The following ACER3 variants were observed in gnomAD, a reference collection of about 807,000 sequenced individuals.
ACER3 encodes the protein alkaline ceramidase 3.
A neutral mutation model predicts 48.9 loss-of-function variants in ACER3; 16 were observed. The ratio of observed to expected loss-of-function variants is 0.33; its 90% CI spans 0.22 to 0.50. The LOEUF (loss-of-function observed/expected upper bound fraction) is 0.50, where lower values mean the gene tolerates loss of function less well. ACER3 is among the 20% of genes least tolerant of loss of function. ACER3 has a pLI of 0.98. For missense variants in ACER3, 227 were observed against 326.0 expected (o/e 0.70, Z 2.34); for synonymous variants, 109 against 107.8 (o/e 1.01, Z -0.07).
At chr11:76,944,089 C>A (rs1284633043) in intron 2 of ACER3, among the ~76,000 whole-genome samples, 3 of 151,850 alleles carry the variant, frequency 2.0e-5, no homozygotes, top group African/African-American at 2.4e-5. Flanking sequence ...ATAGCTGGAT[C>A]ATGCTTTCTA....
At chr11:76,999,217 G>A (rs1316847379) in intron 7 of ACER3, among the ~76,000 whole-genome samples, 1 of 152,128 alleles carries the variant, frequency 6.6e-6, no homozygotes, top group African/African-American at 2.4e-5. Flanking sequence ...GGCTGTTAAT[G>A]TCACAAAGAA....
At position 76,875,107 on chromosome 11, in the gene ACER3, C is replaced by CTTTTTTT. The variant is rs10676364; in HGVS notation, c.103+14048_103+14054dup. Among the ~76,000 whole-genome samples the CTTTTTTT allele has an allele frequency of 2.8e-3, 215 of 78,160 alleles. 52 individuals are homozygous for CTTTTTTT. Among genetic ancestry groups the CTTTTTTT allele is most frequent in the South Asian group, 5.5e-3 (8 of 1,450 alleles). 51.3% of individuals were successfully genotyped at this position (78,160 alleles called of 152,430 possible). A position where few individuals can be genotyped will look rare whatever the true frequency, so the allele number is the denominator to read the frequency against. On this transcript the variant is annotated intron_variant, in intron 1 of 10. Transcript: ENST00000532485. ...TTCTAACATGGCATGAAAAGCACTT[C>CTTTTTTT]TTTTTTTTTTTTTTTTTTTTTTTTT...
At chr11:76,878,532 C>CTGAGTGGTA (rs1353037893) in intron 1 of ACER3, among the ~76,000 whole-genome samples, 2 of 152,040 alleles carry the variant, frequency 1.3e-5, no homozygotes, top group Non-Finnish European at 1.5e-5. Flanking sequence ...CTTTTGATTG[C>CTGAGTGGTA]TGAGTGGTAT....
At chr11:77,006,399 T>A (rs1296932127) in intron 7 of ACER3, among the ~76,000 whole-genome samples, 1 of 152,140 alleles carries the variant, frequency 6.6e-6, no homozygotes, top group East Asian at 1.9e-4. Flanking sequence ...ATGTGTTGTG[T>A]CCTCCCACAT....
At chr11:76,967,616 G>T (rs1441649000) in intron 3 of ACER3, among the ~76,000 whole-genome samples, 1 of 151,976 alleles carries the variant, frequency 6.6e-6, no homozygotes, top group Admixed American at 6.6e-5. Flanking sequence ...CTTCATCCCT[G>T]GGATGCAAGG....
intron 2 of ACER3, among the ~76,000 whole-genome samples, chr11:76,930,650 T>C (rs1206295752): frequency 6.6e-6 from 1 of 151,068 alleles, no homozygotes; most frequent in African/African-American, 2.4e-5. Context: ...GTCCCAGAGA[T>C]TCTGGTATGT....
At chr11:76,878,415 C>T (rs1945439855) in intron 1 of ACER3, among the ~76,000 whole-genome samples, 1 of 151,974 alleles carries the variant, frequency 6.6e-6, no homozygotes, top group Admixed American at 6.6e-5. Context: ...TTGGTATTTA[C>T]TGTATTAGAA....
intron 1 of ACER3, among the ~76,000 whole-genome samples, chr11:76,895,521 A>C (rs1945906219): frequency 6.6e-6 from 1 of 152,242 alleles, no homozygotes; most frequent in Admixed American, 6.5e-5. Context: ...GGAAGTATTT[A>C]ACCTACAATC....
At chr11:76,958,710 A>C in intron 2 of ACER3, 1 of 461,066 alleles carries the variant, frequency 2.2e-6, no homozygotes, top group Non-Finnish European at 4.0e-6. Flanking sequence ...TGAGCATCAG[A>C]TAATACATTT....
chr11:76,980,031 G>A (rs1948548844), intron 4 of ACER3, among the ~76,000 whole-genome samples: 1 of 151,982 alleles, frequency 6.6e-6, no homozygotes, highest in Admixed American at 6.5e-5. Context: ...TCAGCTACTT[G>A]GGAGGCTGAG....
intron 1 of ACER3, among the ~76,000 whole-genome samples, chr11:76,910,365 T>C (rs915467156): frequency 6.6e-6 from 1 of 152,184 alleles, no homozygotes; most frequent in Non-Finnish European, 1.5e-5. Flanking sequence ...TATAATTCCA[T>C]TGAATCTATT....
intron 1 of ACER3, among the ~76,000 whole-genome samples, chr11:76,902,191 G>T (rs1946099318): frequency 1.3e-5 from 2 of 152,050 alleles, no homozygotes; most frequent in African/African-American, 2.4e-5. Context: ...CTGCCATCTT[G>T]ACATTTTAAA....
At position 76,925,234 on chromosome 11, in the gene ACER3, C is replaced by A. The variant is rs181228856; in HGVS notation, c.104-1323C>A. Among the ~76,000 whole-genome samples, 246 of 152,190 alleles carry A rather than the reference C, an allele frequency of 1.6e-3. 1 individual carries two copies. The highest frequency in any genetic ancestry group is 2.8e-3 in the Non-Finnish European group (192 of 68,000). On this transcript the variant is annotated intron_variant, in intron 1 of 10. Transcript: ENST00000532485. ...ACTTTTTGGGCCAATAGATTTATTT[C>A]TTGACTTGACAATCTCATTTTTGTG...
chr11:76,987,844 G>A (rs1948716444), intron 5 of ACER3, among the ~76,000 whole-genome samples: 2 of 152,186 alleles, frequency 1.3e-5, no homozygotes, highest in African/African-American at 4.8e-5. Flanking sequence ...GGAAGCTGAG[G>A]TGAGAGGATT....
chr11:76,965,448 A>T (rs1022737821), intron 3 of ACER3, among the ~76,000 whole-genome samples: 1 of 151,336 alleles, frequency 6.6e-6, no homozygotes, highest in South Asian at 2.1e-4. Context: ...AATTCAGGAA[A>T]TACAAAGAAT....
chr11:76,887,811 CTTTT>C (rs67954212), intron 1 of ACER3, among the ~76,000 whole-genome samples: 8 of 87,188 alleles, frequency 9.2e-5, no homozygotes, highest in Admixed American at 1.4e-4. Flanking sequence ...CTATAGGTAA[CTTTT>C]TTTTTTTTTT....
In ACER3 at chr11:77,018,171, C is replaced by G. The variant is rs149879025; in HGVS notation, c.704+1392C>G. ...GTCATACTGGTCCCAAACTCCTGAC[C>G]TCAAGTGATCATCCCACCTCAGCCT... On this transcript the variant is annotated intron_variant, in intron 9 of 10. Coordinates refer to ENST00000532485, the MANE Select transcript of ACER3 (RefSeq NM_018367.7). Among the ~76,000 whole-genome samples the G allele has an allele frequency of 5.5e-3, 843 of 152,140 alleles. 12 individuals are homozygous for G. The highest frequency in any genetic ancestry group is 0.019 in the African/African-American group (809 of 41,490).
intron 1 of ACER3, among the ~76,000 whole-genome samples, chr11:76,874,743 G>A (rs1360785677): frequency 1.3e-5 from 2 of 152,128 alleles, no homozygotes; most frequent in African/African-American, 4.8e-5. Context: ...GTGGGGACGG[G>A]GGCAGTTAAA....
intron 2 of ACER3, among the ~76,000 whole-genome samples, chr11:76,952,802 A>C (rs936063360): frequency 2.0e-5 from 3 of 151,258 alleles, no homozygotes; most frequent in Non-Finnish European, 4.4e-5. Context: ...AGTAGCTGCA[A>C]TTACAGGTGC....
Sources: gnomAD v4.1 joint callset for allele counts (sites outside exome capture counted in the v4.1 genomes callset) on GRCh38, gnomAD v4.1.1 for gene constraint, MANE v1.5 for transcripts, NCBI Gene and HGNC (gene_info 2026-07-23, HGNC 2026-07-21) for gene names.